TMEM108: variants seen among roughly 807,000 people sequenced by gnomAD.
TMEM108 encodes cancer/testis antigen 124.
Under a neutral mutation model 35.1 loss-of-function variants are expected in TMEM108, and 12 were observed. The ratio of observed to expected loss-of-function variants is 0.34; its 90% CI spans 0.22 to 0.55. The LOEUF (loss-of-function observed/expected upper bound fraction) is 0.55, where lower values mean the gene tolerates loss of function less well. Among genes scored for constraint, TMEM108 ranks in the 20% least tolerant of loss-of-function variants. TMEM108 has a pLI of 0.89. For missense variants in TMEM108, 680 were observed against 753.3 expected (o/e 0.90, Z 1.14); for synonymous variants, 287 against 308.6 (o/e 0.93, Z 0.73).
Position 133,229,246 on chromosome 3 carries a change from T to C in TMEM108, c.-46-20T>C. On this transcript the variant is annotated intron_variant, in intron 2 of 5. Coordinates refer to ENST00000321871, the MANE Select transcript of TMEM108 (RefSeq NM_023943.4). ...ATTATGTTCCTCAGATGTAACAATT[T>C]TCTTCTCCCAATTTCCTAGACAGAA... The C allele has an allele frequency of 1.3e-6, 2 of 1,523,342 alleles. No homozygotes were observed. Among genetic ancestry groups the C allele is most frequent in the Non-Finnish European group, 9.0e-7 (1 of 1,107,882 alleles). The allele number at this position is 1,523,342 out of a possible 1,614,324, so 94.4% of individuals were successfully genotyped here.
At chr3:133,330,253 C>T (rs934293693) in intron 3 of TMEM108, among the ~76,000 whole-genome samples, 4 of 152,206 alleles carry the variant, frequency 2.6e-5, no homozygotes, top group Admixed American at 6.5e-5. Flanking sequence ...TGAGACTCCT[C>T]TGCCAGTTGC....
At chr3:133,133,216 TA>T (rs1444504171) in intron 2 of TMEM108, among the ~76,000 whole-genome samples, 1 of 152,130 alleles carries the variant, frequency 6.6e-6, no homozygotes, top group Non-Finnish European at 1.5e-5. Flanking sequence ...GTTCTGTGGG[TA>T]AAATGTGGCA....
intron 2 of TMEM108, among the ~76,000 whole-genome samples, chr3:133,221,660 C>CTTTTTTTTTTTTTTTTTTTTT (rs3078806): frequency 6.6e-5 from 4 of 60,356 alleles, no homozygotes; most frequent in Non-Finnish European, 9.0e-5. Flanking sequence ...ACATTGATTC[C>CTTTTTTTTTTTTTTTTTTTTT]TTTTTTTTTT....
intron 3 of TMEM108, among the ~76,000 whole-genome samples, chr3:133,288,581 G>GA (rs1576434444): frequency 6.6e-6 from 1 of 152,072 alleles, no homozygotes; most frequent in East Asian, 1.9e-4. Context: ...TTATGTTGTG[G>GA]AAAATCACAT....
intron 3 of TMEM108, among the ~76,000 whole-genome samples, chr3:133,324,099 T>G (rs2071299996): frequency 6.6e-6 from 1 of 152,130 alleles, no homozygotes; most frequent in South Asian, 2.1e-4. Flanking sequence ...GAAAAACTCT[T>G]CCATACATTG....
At chr3:133,101,772 A>T (rs774043106) in intron 2 of TMEM108, among the ~76,000 whole-genome samples, 1 of 152,264 alleles carries the variant, frequency 6.6e-6, no homozygotes, top group Non-Finnish European at 1.5e-5. Context: ...TTTCCTTTGA[A>T]TGTGGTTCCA....
intron 2 of TMEM108, among the ~76,000 whole-genome samples, chr3:133,099,893 T>C (rs1423577590): frequency 6.6e-6 from 1 of 152,208 alleles, no homozygotes; most frequent in Non-Finnish European, 1.5e-5. Context: ...TTCTGAGCCC[T>C]CCAAAGTGTT....
chr3:133,306,005 A>G (rs1303808717), intron 3 of TMEM108, among the ~76,000 whole-genome samples: 3 of 152,096 alleles, frequency 2.0e-5, no homozygotes, highest in Non-Finnish European at 2.9e-5. Flanking sequence ...TAGCAAACCT[A>G]TGTTATGCAG....
At chr3:133,163,160 T>A (rs907684311) in intron 2 of TMEM108, among the ~76,000 whole-genome samples, 6 of 152,144 alleles carry the variant, frequency 3.9e-5, no homozygotes, top group African/African-American at 1.4e-4. Flanking sequence ...ACATAAATAT[T>A]CATGAGGGAA....
intron 3 of TMEM108, among the ~76,000 whole-genome samples, chr3:133,301,970 C>T (rs1000431256): frequency 1.3e-5 from 2 of 152,200 alleles, no homozygotes; most frequent in Non-Finnish European, 2.9e-5. Context: ...TCCTCTGCCT[C>T]TGATGTAATG....
intron 3 of TMEM108, among the ~76,000 whole-genome samples, chr3:133,349,248 A>G (rs1285391597): frequency 1.3e-5 from 2 of 152,182 alleles, no homozygotes; most frequent in Non-Finnish European, 2.9e-5. Flanking sequence ...TCACAGGAAC[A>G]TAACAGAGGA....
intron 2 of TMEM108, among the ~76,000 whole-genome samples, chr3:133,207,745 A>G (rs1339470905): frequency 2.0e-5 from 3 of 152,134 alleles, no homozygotes; most frequent in Non-Finnish European, 2.9e-5. Context: ...TCCCCTCCAT[A>G]TGGGGGTCAA....
At chr3:133,173,394 G>T (rs1183396866) in intron 2 of TMEM108, among the ~76,000 whole-genome samples, 1 of 152,192 alleles carries the variant, frequency 6.6e-6, no homozygotes, top group African/African-American at 2.4e-5. Context: ...CACAAACCAA[G>T]ATTCAGATCA....
At chr3:133,338,461 A>G (rs1395434598) in intron 3 of TMEM108, among the ~76,000 whole-genome samples, 1 of 152,086 alleles carries the variant, frequency 6.6e-6, no homozygotes, top group Non-Finnish European at 1.5e-5. Context: ...CAGTGAAAAT[A>G]TACTCCAAAC....
At chr3:133,245,519 C>T (rs1042263482) in intron 3 of TMEM108, among the ~76,000 whole-genome samples, 2 of 152,196 alleles carry the variant, frequency 1.3e-5, no homozygotes, top group Non-Finnish European at 2.9e-5. Flanking sequence ...ATTACTTTTC[C>T]CTAGTTTAAG....
intron 2 of TMEM108, among the ~76,000 whole-genome samples, chr3:133,075,675 T>A (rs567925125): frequency 1.1e-4 from 16 of 152,260 alleles, no homozygotes; most frequent in South Asian, 2.1e-4. Flanking sequence ...TTTGATAATA[T>A]CCATTCTAAC....
intron 2 of TMEM108, among the ~76,000 whole-genome samples, chr3:133,134,045 A>G (rs969791148): frequency 6.6e-6 from 1 of 151,954 alleles, no homozygotes; most frequent in African/African-American, 2.4e-5. Flanking sequence ...TACAGGCATG[A>G]GCCACCGCTC....
At chr3:133,249,532 C>G (rs1039773344) in intron 3 of TMEM108, among the ~76,000 whole-genome samples, 1 of 152,208 alleles carries the variant, frequency 6.6e-6, no homozygotes, top group South Asian at 2.1e-4. Context: ...CAATGCTTAG[C>G]TCCCACTTAT....
At chr3:133,184,587 C>T (rs1177754093) in intron 2 of TMEM108, among the ~76,000 whole-genome samples, 1 of 152,166 alleles carries the variant, frequency 6.6e-6, no homozygotes, top group African/African-American at 2.4e-5. Context: ...TTAATTAAGT[C>T]TATTCAAATC....
Sources: gnomAD v4.1 joint callset for allele counts (sites outside exome capture counted in the v4.1 genomes callset) on GRCh38, gnomAD v4.1.1 for gene constraint, MANE v1.5 for transcripts, NCBI Gene and HGNC (gene_info 2026-07-23, HGNC 2026-07-21) for gene names.